The following LUZP1 variants were observed in gnomAD, a reference collection of about 807,000 sequenced individuals.
The protein encoded by LUZP1 is filamin mechanobinding actin cross-linking protein.
In LUZP1, 25 loss-of-function variants were observed where a neutral mutation model predicts 71.3. The ratio of observed to expected loss-of-function variants is 0.35; its 90% CI spans 0.26 to 0.49. The LOEUF (loss-of-function observed/expected upper bound fraction) is 0.49, where lower values mean the gene tolerates loss of function less well. LUZP1 is among the 20% of genes least tolerant of loss of function. LUZP1 has a pLI of 0.99. For missense variants in LUZP1, 1,142 were observed against 1,300.8 expected, an observed-to-expected ratio of 0.88 and a Z score of 1.88; for synonymous variants, 481 against 506.4, an observed-to-expected ratio of 0.95 and a Z score of 0.67.
intron 2 of LUZP1, among the ~76,000 whole-genome samples, chr1:23,155,233 T>C (rs1360096002): frequency 6.6e-6 from 1 of 152,232 alleles, no homozygotes; most frequent in African/African-American, 2.4e-5. Flanking sequence ...CTAGTTTCTG[T>C]ATACTTCTGT....
chr1:23,099,490 T>A (rs1643915303), intron 3 of LUZP1, among the ~76,000 whole-genome samples: 2 of 152,148 alleles, frequency 1.3e-5, no homozygotes, highest in African/African-American at 2.4e-5. Flanking sequence ...ACCCAGCTTA[T>A]CCTCAAACTG....
intron 3 of LUZP1, among the ~76,000 whole-genome samples, chr1:23,103,252 A>C (rs988206103): frequency 5.3e-5 from 8 of 151,958 alleles, no homozygotes; most frequent in Non-Finnish European, 1.0e-4. Flanking sequence ...GCCAAGAGCT[A>C]TTTTCAAGCA....
intron 2 of LUZP1, among the ~76,000 whole-genome samples, chr1:23,157,203 G>A (rs777068176): frequency 1.1e-4 from 16 of 152,160 alleles, no homozygotes; most frequent in South Asian, 2.1e-4. Flanking sequence ...GTGGTAGTGC[G>A]TGCCTATAGT....
chr1:23,148,147 C>T (rs1644357506), intron 2 of LUZP1, among the ~76,000 whole-genome samples: 1 of 152,112 alleles, frequency 6.6e-6, no homozygotes, highest in Admixed American at 6.6e-5. Context: ...GGTAAAGGGA[C>T]TTGTGACTTG....
intron 2 of LUZP1, among the ~76,000 whole-genome samples, chr1:23,122,699 C>A (rs572393762): frequency 6.6e-5 from 10 of 152,312 alleles, no homozygotes; most frequent in African/African-American, 2.4e-4. Context: ...CTTATTAAAA[C>A]GGGAGTGTTC....
chr1:23,167,117 T>C (rs1401181092), intron 2 of LUZP1, among the ~76,000 whole-genome samples: 1 of 152,096 alleles, frequency 6.6e-6, no homozygotes, highest in Non-Finnish European at 1.5e-5. Flanking sequence ...ATGGGGGTAA[T>C]TCAATTTAAC....
At chr1:23,083,991 C>T (rs1160338831), downstream of LUZP1, 1 of 150,228 alleles carries the variant, frequency 6.7e-6, no homozygotes, top group East Asian at 1.9e-4. Context: ...GATGCACTTT[C>T]AAGATAGAAC....
chr1:23,108,353 A>C (rs1644000371), intron 3 of LUZP1, among the ~76,000 whole-genome samples: 2 of 152,198 alleles, frequency 1.3e-5, no homozygotes, highest in Non-Finnish European at 2.9e-5. Flanking sequence ...TCATGCCTGT[A>C]ATCCCAGCAC....
At chr1:23,091,160 A>G in intron 4 of LUZP1, 30 bp downstream of exon 3, 1 of 1,562,944 alleles carries the variant, frequency 6.4e-7, no homozygotes, top group Non-Finnish European at 8.6e-7. Flanking sequence ...GGAGGGAGAA[A>G]AGAGAGAGGG....
Position 23,170,466 on chromosome 1 carries a change from T to C in LUZP1, c.-484-1442A>G, listed in dbSNP as rs139046523. ...ATTCTTATTTTCTTTTTCTTTCTTT[T>C]TTTTTTTTTTTTTTTTTGAGACGAA... On this transcript the variant is annotated intron_variant, in intron 1 of 4. Transcript: ENST00000302291. 1.6e-3 allele frequency among the ~76,000 whole-genome samples: 166 copies of C among 102,006 alleles called. 1 individual carries two copies. Among genetic ancestry groups the C allele is most frequent in the East Asian group, 7.8e-3 (21 of 2,678 alleles). The allele number at this position is 102,006 out of a possible 152,430, so 66.9% of individuals were successfully genotyped here. A position where few individuals can be genotyped will look rare whatever the true frequency, so the allele number is the denominator to read the frequency against.
At chr1:23,167,694 G>C (rs939101159) in intron 2 of LUZP1, among the ~76,000 whole-genome samples, 1 of 152,222 alleles carries the variant, frequency 6.6e-6, no homozygotes, top group Non-Finnish European at 1.5e-5. Flanking sequence ...GGCTCACAGA[G>C]GCTCCTCCAA....
chr1:23,085,069 T>C (rs1643742806), exon 5 of LUZP1: 1 of 152,536 alleles, frequency 6.6e-6, no homozygotes, highest in Admixed American at 6.5e-5. Flanking sequence ...ATGATACACA[T>C]GCACCCAAGG....
At chr1:23,123,633 G>A (rs1322432709) in intron 2 of LUZP1, among the ~76,000 whole-genome samples, 1 of 152,098 alleles carries the variant, frequency 6.6e-6, no homozygotes, top group African/African-American at 2.4e-5. Context: ...CTGAGAGAAG[G>A]ACTCAAATCC....
chr1:23,092,818 G>C, exon 4 of LUZP1: 1 of 1,613,852 alleles, frequency 6.2e-7, no homozygotes, highest in Non-Finnish European at 8.5e-7. Context: ...CTGTGCTCCT[G>C]AGCAGCCGGG....
chr1:23,104,361 T>A (rs528726950), intron 3 of LUZP1, among the ~76,000 whole-genome samples: 14 of 151,688 alleles, frequency 9.2e-5, no homozygotes, highest in African/African-American at 3.1e-4. Flanking sequence ...ATTTTTCTAT[T>A]TTTAGTAGAG....
chr1:23,122,071 A>T (rs1644134262), intron 2 of LUZP1, among the ~76,000 whole-genome samples: 1 of 152,134 alleles, frequency 6.6e-6, no homozygotes, highest in African/African-American at 2.4e-5. Context: ...AGTAATTGAC[A>T]TTCTTCAACT....
At chr1:23,138,173 C>T (rs1365861532) in intron 2 of LUZP1, among the ~76,000 whole-genome samples, 3 of 151,962 alleles carry the variant, frequency 2.0e-5, no homozygotes, top group Non-Finnish European at 2.9e-5. Flanking sequence ...GGGGTTTTAC[C>T]GTGTTGCCCA....
exon 4 of LUZP1, chr1:23,092,320 C>T (rs774523044): frequency 1.2e-6 from 2 of 1,614,080 alleles, no homozygotes; most frequent in African/African-American, 2.7e-5. Context: ...GATTTGATGA[C>T]TCGACACCTC....
chr1:23,149,960 CAAAAAAAAAAA>C (rs66680455), intron 2 of LUZP1, among the ~76,000 whole-genome samples: 2 of 75,780 alleles, frequency 2.6e-5, no homozygotes, highest in Admixed American at 4.0e-4. Flanking sequence ...GACTCCGTCT[CAAAAAAAAAAA>C]AAAAAAAAAA....
Sources: allele counts gnomAD v4.1 joint callset (sites outside exome capture counted in the v4.1 genomes callset), GRCh38; gene constraint gnomAD v4.1.1; transcripts MANE v1.5; gene names NCBI Gene and HGNC (gene_info 2026-07-23, HGNC 2026-07-21).